EDN3: variants seen among roughly 807,000 people sequenced by gnomAD.
EDN3 encodes endothelin-3.
Under a neutral mutation model 21.4 loss-of-function variants are expected in EDN3, and 9 were observed. The ratio of observed to expected loss-of-function variants is 0.42; its 90% confidence interval spans 0.25 to 0.73. The LOEUF (loss-of-function observed/expected upper bound fraction) is 0.73, where lower values mean the gene tolerates loss of function less well. Among genes scored for constraint, EDN3 ranks in the 30% least tolerant of loss-of-function variants. EDN3 has a pLI of 0.26. For synonymous variants in EDN3, 133 were observed against 126.2 expected, an observed-to-expected ratio of 1.05 and a Z score of -0.36; for missense variants, 327 against 309.4, an observed-to-expected ratio of 1.06 and a Z score of -0.43.
In EDN3 at chr20:59,324,830, A is replaced by G; in HGVS notation, c.*371A>G. ...TCTTTGCAAATGTAAACACATGTCC[A>G]TCTTGTAATAAATGCAAAATGCCCG... On this transcript the variant is annotated 3_prime_UTR_variant, in exon 5 of 5. Transcript: ENST00000337938. 2.9e-6 allele frequency: 1 copy of G among 340,084 alleles called. No homozygotes were observed. The highest frequency in any genetic ancestry group is 2.8e-5 in the South Asian group (1 of 35,470). The allele number at this position is 340,084 out of a possible 1,614,324, so 21.1% of individuals were successfully genotyped here.
At chr20:59,317,010 C>T (rs182936767) in intron 2 of EDN3, among the ~76,000 whole-genome samples, 162 of 152,310 alleles carry the variant, frequency 1.1e-3, no homozygotes, top group Non-Finnish European at 2.0e-3. Flanking sequence ...GGATTGTATT[C>T]TGAAAACCCC....
chr20:59,304,081 C>T (rs1989232295), intron 2 of EDN3, among the ~76,000 whole-genome samples: 1 of 151,804 alleles, frequency 6.6e-6, no homozygotes, highest in African/African-American at 2.4e-5. Flanking sequence ...CCTCCCTCTC[C>T]CCCTCCCTTC....
rs1469810032 is a variant in EDN3, at chr20:59,324,600, C to T, written c.*141C>T. The T allele has an allele frequency of 2.2e-6, 2 of 900,236 alleles. No homozygotes were observed. The highest frequency in any genetic ancestry group is 2.6e-5 in the Admixed American group (1 of 38,132). The allele number at this position is 900,236 out of a possible 1,614,324, so 55.8% of individuals were successfully genotyped here. A position where few individuals can be genotyped will look rare whatever the true frequency, so the allele number is the denominator to read the frequency against. ...CCAAAGAGTCCCCACTTAACAATAC[C>T]CCCCCCCCACGGCAAGAATGCCCAA... On this transcript the variant is annotated 3_prime_UTR_variant, in exon 5 of 5. Coordinates refer to ENST00000337938, the MANE Select transcript of EDN3 (RefSeq NM_207034.3).
chr20:59,311,817 G>A (rs527739406), intron 2 of EDN3, among the ~76,000 whole-genome samples: 2 of 152,074 alleles, frequency 1.3e-5, no homozygotes, highest in Non-Finnish European at 2.9e-5. Context: ...GCTCTGGTTC[G>A]AACACCTCTG....
chr20:59,314,861 T>C (rs1244851401), intron 2 of EDN3, among the ~76,000 whole-genome samples: 1 of 152,222 alleles, frequency 6.6e-6, no homozygotes, highest in Non-Finnish European at 1.5e-5. Flanking sequence ...CCCTCCCCTT[T>C]GTCTCCATGT....
In EDN3 at chr20:59,320,539, G is replaced by C. The variant is rs577277476; in HGVS notation, c.366-478G>C. Among the ~76,000 whole-genome samples the C allele has an allele frequency of 3.3e-5, 5 of 152,350 alleles. No individual in the cohort carries two copies. The South Asian group carries it at 6.2e-4, about 19-fold the overall frequency. ...TCGGCTTTCCATGGAATGAGGAGGA[G>C]GCCCAGATGGTACTTCCAGAGCCGA... On this transcript the variant is annotated intron_variant, in intron 2 of 4. Transcript: ENST00000337938.
rs1990530200 is a variant in EDN3, at chr20:59,321,302, G to C, written c.542+109G>C. 4.6e-6 allele frequency: 6 copies of C among 1,298,226 alleles called. No individual in the cohort carries two copies. The South Asian group carries it at 7.1e-5, about 15-fold the overall frequency. The allele number at this position is 1,298,226 out of a possible 1,614,324, so 80.4% of individuals were successfully genotyped here. On this transcript the variant is annotated intron_variant, in intron 3 of 4. Coordinates refer to ENST00000337938, the MANE Select transcript of EDN3 (RefSeq NM_207034.3). The stretch of plus-strand genomic sequence containing the variant: ...GTGTAGGATAGTTCAGTCACATCCT[G>C]ACCTACTGTCGTCCTGTGGGCCAGA...
At chr20:59,323,617 G>A (rs1990677866) in intron 4 of EDN3, 3 of 399,576 alleles carry the variant, frequency 7.5e-6, no homozygotes, top group South Asian at 2.5e-4. Context: ...GAAGCGTGGG[G>A]TGGTTGCAGT....
intron 2 of EDN3, among the ~76,000 whole-genome samples, chr20:59,317,411 A>T (rs1461679170): frequency 6.6e-6 from 1 of 152,230 alleles, no homozygotes; most frequent in African/African-American, 2.4e-5. Context: ...TAACAATAGT[A>T]GCTACTGTTT....
At chr20:59,301,786 A>G (rs1989061665) in intron 2 of EDN3, 64 bp downstream of exon 2, 1 of 1,565,904 alleles carries the variant, frequency 6.4e-7, no homozygotes, top group Admixed American at 1.7e-5. Flanking sequence ...GCTCATTCCC[A>G]GGAGGACCTC....
At chr20:59,311,263 C>G (rs1019668907) in intron 2 of EDN3, among the ~76,000 whole-genome samples, 32 of 151,952 alleles carry the variant, frequency 2.1e-4, no homozygotes, top group African/African-American at 7.7e-4. Context: ...CGATCCAGAC[C>G]CCAAGAGAGG....
In EDN3 at chr20:59,321,023, G is replaced by A. The variant is rs781011983; in HGVS notation, c.372G>A (p.Thr124=). 19 of 1,614,198 alleles carry A rather than the reference G, an allele frequency of 1.2e-5. No individual in the cohort carries two copies. Among genetic ancestry groups the A allele is most frequent in the East Asian group, 4.5e-5 (2 of 44,878 alleles). Residue 124 remains threonine, a synonymous_variant, in exon 3 of 5, where the codon ACG becomes ACA. Coordinates refer to ENST00000337938, the MANE Select transcript of EDN3 (RefSeq NM_207034.3). Reference sequence around the variant, plus strand: ...ATTACCCTGTGCTTTGCAGACAGACGGTGCCCTATGGACTGTCCAACTACA... The same window carrying A: ...ATTACCCTGTGCTTTGCAGACAGACAGTGCCCTATGGACTGTCCAACTACA... ...DIIWINTPEQ[T]VPYGLSNYRG... is the part of the protein sequence containing the mutation.
chr20:59,325,507 CAG>C lies in EDN3; in HGVS notation c.*1054_*1055del, dbSNP rs1253485304. The C allele has an allele frequency of 2.0e-5, 3 of 152,188 alleles. No individual in the cohort carries two copies. The highest frequency in any genetic ancestry group is 3.8e-4 in the East Asian group (2 of 5,202). The allele number at this position is 152,188 out of a possible 1,614,324, so 9.4% of individuals were successfully genotyped here. On this transcript the variant is annotated 3_prime_UTR_variant, in exon 5 of 5. Transcript: ENST00000337938. ...GCTGCCCATCTCCCCAACCCAGTCA[CAG>C]AGAGATAGGAAACGGCATTTGAGTG...
At chr20:59,307,650 A>G (rs1458606387) in intron 2 of EDN3, among the ~76,000 whole-genome samples, 2 of 152,146 alleles carry the variant, frequency 1.3e-5, no homozygotes, top group Non-Finnish European at 2.9e-5. Context: ...AATAAAAGAC[A>G]TGGTTCCCCA....
intron 2 of EDN3, among the ~76,000 whole-genome samples, chr20:59,302,648 C>G (rs1426112101): frequency 6.6e-6 from 1 of 152,172 alleles, no homozygotes; most frequent in Non-Finnish European, 1.5e-5. Context: ...GGATCAGACA[C>G]CTCTAAGTTC....
At position 59,309,752 on chromosome 20, in the gene EDN3, C is replaced by T. The variant is rs74696464; in HGVS notation, c.365+8030C>T. 4.3e-3 allele frequency among the ~76,000 whole-genome samples: 657 copies of T among 152,178 alleles called. 4 individuals are homozygous for T. The highest frequency in any genetic ancestry group is 5.7e-3 in the Non-Finnish European group (386 of 68,008). On this transcript the variant is annotated intron_variant, in intron 2 of 4. Transcript: ENST00000337938. Reference sequence around the variant, plus strand: ...ATTGGGGAGACTTAGGGCTAAGTTTCGCAGTTTGTTGGAAAGGTCAGTCCT... The same window carrying T: ...ATTGGGGAGACTTAGGGCTAAGTTTTGCAGTTTGTTGGAAAGGTCAGTCCT...
chr20:59,309,148 GGGCATGGCGCTCTTTGCGGGCACCC>G (rs1989630622), intron 2 of EDN3, among the ~76,000 whole-genome samples: 1 of 152,194 alleles, frequency 6.6e-6, no homozygotes, highest in African/African-American at 2.4e-5. Context: ...TTCAGTAATG[GGGCATGGCGCTCTTTGCGGGCACCC>G]GTCTGGGGCT....
intron 4 of EDN3, among the ~76,000 whole-genome samples, chr20:59,323,498 A>G (rs1268748591): frequency 6.6e-6 from 1 of 152,230 alleles, no homozygotes; most frequent in Non-Finnish European, 1.5e-5. Context: ...TAGCAGGAAC[A>G]AGGCATAGGA....
chr20:59,302,089 C>G (rs189187897), intron 2 of EDN3, among the ~76,000 whole-genome samples: 7 of 152,258 alleles, frequency 4.6e-5, no homozygotes, highest in Admixed American at 3.3e-4. Flanking sequence ...CCCCAGGGGC[C>G]AAGGGGGCTC....
Sources: gnomAD v4.1 joint callset for allele counts (sites outside exome capture counted in the v4.1 genomes callset) on GRCh38, gnomAD v4.1.1 for gene constraint, MANE v1.5 for transcripts, NCBI Gene and HGNC (gene_info 2026-07-23, HGNC 2026-07-21) for gene names.